The following GYPC variants were observed in gnomAD, a reference collection of about 807,000 sequenced individuals.
The protein encoded by GYPC is glycophorin-C.
Under a neutral mutation model 12.6 loss-of-function variants are expected in GYPC, and 14 were observed. The ratio of observed to expected loss-of-function variants is 1.11; its 90% CI spans 0.74 to 1.74. The LOEUF (loss-of-function observed/expected upper bound fraction) is 1.74. Among genes scored for constraint, GYPC ranks in the 40% most tolerant of loss-of-function variants. GYPC has a pLI of 0.00. For missense variants in GYPC, 225 were observed against 172.1 expected, an observed-to-expected ratio of 1.31 and a Z score of -1.72; for synonymous variants, 78 against 62.1, an observed-to-expected ratio of 1.26 and a Z score of -1.20.
chr2:126,677,409 G>T (rs559777019), intron 1 of GYPC, among the ~76,000 whole-genome samples: 3 of 151,674 alleles, frequency 2.0e-5, no homozygotes, highest in South Asian at 4.2e-4. Flanking sequence ...GTTAGAGTGT[G>T]TAAGTGTGTG....
At chr2:126,663,320 G>A (rs1263123098) in intron 1 of GYPC, among the ~76,000 whole-genome samples, 1 of 152,202 alleles carries the variant, frequency 6.6e-6, no homozygotes, top group Non-Finnish European at 1.5e-5. Flanking sequence ...ATAGGCATGA[G>A]CCACCACGCC....
intron 1 of GYPC, among the ~76,000 whole-genome samples, chr2:126,665,520 TG>T (rs1682654051): frequency 6.6e-6 from 1 of 152,208 alleles, no homozygotes; most frequent in Non-Finnish European, 1.5e-5. Context: ...GATCACCCAG[TG>T]GCAGCTCGAA....
At chr2:126,693,109 G>A (rs1028429838) in intron 2 of GYPC, among the ~76,000 whole-genome samples, 7 of 152,256 alleles carry the variant, frequency 4.6e-5, no homozygotes, top group African/African-American at 1.7e-4. Flanking sequence ...GCAGTGATGG[G>A]AGGTGGGACC....
At chr2:126,674,427 CAACAGGAAGGACCTGATGGGA>C (rs1682935947) in intron 1 of GYPC, among the ~76,000 whole-genome samples, 1 of 148,132 alleles carries the variant, frequency 6.8e-6, no homozygotes, top group Admixed American at 6.9e-5. Context: ...GGGCTATGGG[CAACAGGAAGGACCTGATGGGA>C]AACAAGTGGG....
chr2:126,670,839 G>A (rs1436844982), intron 1 of GYPC, among the ~76,000 whole-genome samples: 2 of 152,158 alleles, frequency 1.3e-5, no homozygotes, highest in East Asian at 3.9e-4. Flanking sequence ...CTTTCTTGGG[G>A]CCCAACAGCA....
chr2:126,686,527 T>C, intron 1 of GYPC: 1 of 985,464 alleles, frequency 1.0e-6, no homozygotes, highest in East Asian at 1.1e-4. Context: ...AGTTGGTTCG[T>C]GGTTCCCCAG....
intron 1 of GYPC, chr2:126,678,807 T>C (rs965497682): frequency 6.6e-6 from 1 of 152,264 alleles, no homozygotes; most frequent in African/African-American, 2.4e-5. Context: ...GAGCCAATCC[T>C]CCTGAATGTT....
At chr2:126,691,447 C>T (rs993092989) in intron 2 of GYPC, among the ~76,000 whole-genome samples, 2 of 152,124 alleles carry the variant, frequency 1.3e-5, no homozygotes, top group African/African-American at 4.8e-5. Context: ...CACTTCAGTC[C>T]TTTGTGTGGC....
chr2:126,693,796 G>A lies in GYPC; in HGVS notation c.107-68G>A, dbSNP rs192963041. 2.6e-4 allele frequency: 267 copies of A among 1,046,594 alleles called. 3 individuals are homozygous for A. The Middle Eastern group carries it at 0.011, about 41-fold the overall frequency. The allele number at this position is 1,046,594 out of a possible 1,614,324, so 64.8% of individuals were successfully genotyped here. ...CACACCTGAGCAAAGGATGCAGCTT[G>A]GGCCAAGGTGCTGCTAGGCATGGAG... On this transcript the variant is annotated intron_variant, in intron 2 of 3. Coordinates refer to ENST00000259254, the MANE Select transcript of GYPC (RefSeq NM_002101.5).
chr2:126,666,067 G>A (rs558222423), intron 1 of GYPC, among the ~76,000 whole-genome samples: 4 of 152,220 alleles, frequency 2.6e-5, no homozygotes, highest in South Asian at 2.1e-4. Flanking sequence ...CCCCACACCC[G>A]GAACCACTTG....
intron 1 of GYPC, among the ~76,000 whole-genome samples, chr2:126,672,150 C>T (rs565385719): frequency 2.0e-4 from 30 of 152,194 alleles, no homozygotes; most frequent in African/African-American, 5.1e-4. Context: ...GACCACCTCC[C>T]GGCACCTGTT....
rs569370905 is a variant in GYPC at position 126,672,696 on chromosome 2, G to A, written c.49+16384G>A. On this transcript the variant is annotated intron_variant, in intron 1 of 3. Transcript: ENST00000259254. ...GCAGCAACCTTCTCCCCTCAGGGTG[G>A]AGGGGCTGGCCCAGCAGTGGACAGA... Among the ~76,000 whole-genome samples the A allele has an allele frequency of 7.2e-4, 109 of 152,260 alleles. 3 individuals carry two copies. The South Asian group carries it at 0.019, about 27-fold the overall frequency.
Position 126,690,315 on chromosome 2 carries a change from A to G in GYPC, c.106+4A>G. 6.2e-7 allele frequency: 1 copy of G among 1,602,782 alleles called. No homozygotes were observed. Among genetic ancestry groups the G allele is most frequent in the Middle Eastern group, 1.7e-4 (1 of 6,030 alleles). ...ATGCATACTACCACCATTGCAGGTG[A>G]GTTCTCATCACAGAGCCTCACCATA... is the stretch of plus-strand genomic sequence containing the variant. On this transcript the variant is annotated splice_donor_region_variant and intron_variant, in intron 2 of 3. Transcript: ENST00000259254.
intron 1 of GYPC, among the ~76,000 whole-genome samples, chr2:126,681,661 T>C (rs1262785007): frequency 2.0e-5 from 3 of 151,766 alleles, no homozygotes. Context: ...CAAACTAGCT[T>C]ACAATGGGGC....
intron 1 of GYPC, among the ~76,000 whole-genome samples, chr2:126,673,160 G>GGCTCTTTCTGT (rs1343309570): frequency 6.6e-6 from 1 of 152,044 alleles, no homozygotes; most frequent in African/African-American, 2.4e-5. Context: ...CAAGCACAAG[G>GGCTCTTTCTGT]GCTCTTTCTG....
chr2:126,677,528 T>TGTGAGTCTGTGTGTGA (rs1158956253), intron 1 of GYPC, among the ~76,000 whole-genome samples: 16 of 150,670 alleles, frequency 1.1e-4, no homozygotes, highest in Admixed American at 8.6e-4. Flanking sequence ...TCTGTGTGTG[T>TGTGAGTCTGTGTGTGA]GTGAGTCTGT....
At chr2:126,660,440 C>G (rs1046313438) in intron 1 of GYPC, among the ~76,000 whole-genome samples, 1 of 152,194 alleles carries the variant, frequency 6.6e-6, no homozygotes, top group Non-Finnish European at 1.5e-5. Flanking sequence ...CAACACGCCG[C>G]GGGCCTGGCA....
intron 1 of GYPC, among the ~76,000 whole-genome samples, chr2:126,660,584 G>A (rs901238691): frequency 6.6e-6 from 1 of 152,044 alleles, no homozygotes; most frequent in Non-Finnish European, 1.5e-5. Context: ...CTCTCCAGGG[G>A]CTCTGTGACC....
intron 1 of GYPC, among the ~76,000 whole-genome samples, chr2:126,667,818 C>T (rs575028435): frequency 6.6e-6 from 1 of 152,306 alleles, no homozygotes; most frequent in East Asian, 1.9e-4. Context: ...AGAGCCCCAC[C>T]ATTCAGATCA....
Sources: gnomAD v4.1 joint callset for allele counts (sites outside exome capture counted in the v4.1 genomes callset) on GRCh38, gnomAD v4.1.1 for gene constraint, MANE v1.5 for transcripts, NCBI Gene and HGNC (gene_info 2026-07-23, HGNC 2026-07-21) for gene names.